RIMS1: variants seen among roughly 807,000 people sequenced by gnomAD.
RIMS1 encodes regulating synaptic membrane exocytosis 1.
A neutral mutation model predicts 214.1 loss-of-function variants in RIMS1; 83 were observed. That is an observed-to-expected ratio of 0.39 (90% confidence interval 0.32 to 0.47). The LOEUF (loss-of-function observed/expected upper bound fraction) is 0.47. Among genes scored for constraint, RIMS1 ranks in the 20% least tolerant of loss-of-function variants. The probability of loss-of-function intolerance (pLI) is 0.99; values close to 1 mark genes in which losing one functional copy is unlikely to be tolerated. For missense variants in RIMS1, 2,050 were observed against 2,161.8 expected (o/e 0.95, Z 1.03); for synonymous variants, 793 against 786.8 (o/e 1.01, Z -0.13).
rs542982696 is a variant in RIMS1, at chr6:72,202,665, A to G, written c.1678+19516A>G. Reference sequence around the variant, plus strand: ...CTGTAGATGTTTGTGTACGTACATGATAAATACTGATTTTGGCATTTGTCT... The same window carrying G: ...CTGTAGATGTTTGTGTACGTACATGGTAAATACTGATTTTGGCATTTGTCT... On this transcript the variant is annotated intron_variant, in intron 6 of 33. Transcript: ENST00000521978. Among the ~76,000 whole-genome samples the G allele has an allele frequency of 5.9e-5, 9 of 152,314 alleles. No individual in the cohort carries two copies. In the South Asian group the frequency reaches 1.9e-3, roughly 32 times the overall value.
chr6:72,186,133 T>C (rs1318565666), intron 6 of RIMS1, among the ~76,000 whole-genome samples: 2 of 152,248 alleles, frequency 1.3e-5, no homozygotes, highest in Non-Finnish European at 2.9e-5. Flanking sequence ...TATTAGTAGT[T>C]AAGGTTTTCT....
intron 29 of RIMS1, among the ~76,000 whole-genome samples, chr6:72,373,914 T>TTTTTTA (rs2098295379): frequency 6.6e-6 from 1 of 152,154 alleles, no homozygotes; most frequent in Non-Finnish European, 1.5e-5. Flanking sequence ...TTATTATTTA[T>TTTTTTA]TTTTTATTTT....
intron 1 of RIMS1, among the ~76,000 whole-genome samples, chr6:71,933,424 C>T (rs900905018): frequency 6.6e-6 from 1 of 152,180 alleles, no homozygotes; most frequent in Middle Eastern, 3.4e-3. Context: ...AGTAGATGCT[C>T]TAATCTATAT....
intron 1 of RIMS1, among the ~76,000 whole-genome samples, chr6:71,907,301 G>GA (rs1407921258): frequency 1.3e-5 from 2 of 152,032 alleles, no homozygotes; most frequent in South Asian, 2.1e-4. Context: ...GTCTTCAATG[G>GA]AAAAAAATAC....
At chr6:72,220,413 A>G (rs1365558454) in intron 6 of RIMS1, among the ~76,000 whole-genome samples, 1 of 151,722 alleles carries the variant, frequency 6.6e-6, no homozygotes, top group Non-Finnish European at 1.5e-5. Flanking sequence ...GTAATTATGG[A>G]CCATGTAAAA....
chr6:71,929,433 T>C (rs1330918575), intron 1 of RIMS1, among the ~76,000 whole-genome samples: 1 of 152,198 alleles, frequency 6.6e-6, no homozygotes, highest in African/African-American at 2.4e-5. Flanking sequence ...AGAAGTCAAA[T>C]GGGGGAAAGT....
At chr6:72,030,112 CA>C (rs1267216478) in intron 2 of RIMS1, among the ~76,000 whole-genome samples, 1 of 152,100 alleles carries the variant, frequency 6.6e-6, no homozygotes, top group Non-Finnish European at 1.5e-5. Context: ...TCTTTAATTT[CA>C]AAATATGGAC....
chr6:72,279,121 T>G (rs1326954796), intron 23 of RIMS1, among the ~76,000 whole-genome samples: 2 of 152,038 alleles, frequency 1.3e-5, no homozygotes, highest in African/African-American at 4.8e-5. Context: ...TAATAAAATT[T>G]TAATGCCTTC....
rs2098841918 is a variant in RIMS1 at position 72,402,664 on chromosome 6, G to A, written c.*1950G>A. ...GTGCACTTCTACTAGATTCCGTTCT[G>A]TCTTAGTGGCCAACAATCAACTGAT... On this transcript the variant is annotated 3_prime_UTR_variant, in exon 34 of 34. Coordinates refer to ENST00000521978, the MANE Select transcript of RIMS1 (RefSeq NM_014989.7). The A allele has an allele frequency of 6.6e-6, 1 of 152,622 alleles. No individual in the cohort carries two copies. Among genetic ancestry groups the A allele is most frequent in the South Asian group, 2.1e-4 (1 of 4,828 alleles). The allele number at this position is 152,622 out of a possible 1,614,324, so 9.5% of individuals were successfully genotyped here. A position where few individuals can be genotyped will look rare whatever the true frequency, so the allele number is the denominator to read the frequency against.
intron 6 of RIMS1, among the ~76,000 whole-genome samples, chr6:72,194,696 C>T (rs1391772443): frequency 6.6e-6 from 1 of 152,100 alleles, no homozygotes; most frequent in African/African-American, 2.4e-5. Context: ...TGAAAGATAA[C>T]ACAGCCTTTA....
intron 29 of RIMS1, among the ~76,000 whole-genome samples, chr6:72,387,879 A>G (rs2098639417): frequency 6.6e-6 from 1 of 152,234 alleles, no homozygotes; most frequent in Admixed American, 6.5e-5. Flanking sequence ...ATAGCCCATC[A>G]ATAAAGAGAT....
intron 29 of RIMS1, among the ~76,000 whole-genome samples, chr6:72,355,881 A>G (rs2097618631): frequency 6.6e-6 from 1 of 152,138 alleles, no homozygotes; most frequent in African/African-American, 2.4e-5. Flanking sequence ...GATAAAATAC[A>G]CTTTTGACGT....
intron 26 of RIMS1, among the ~76,000 whole-genome samples, chr6:72,296,246 T>A (rs2094082371): frequency 6.6e-6 from 1 of 152,042 alleles, no homozygotes. Context: ...TAGAAAACAA[T>A]TCTCCTAGGA....
At chr6:72,368,777 A>G (rs1235636043) in intron 29 of RIMS1, among the ~76,000 whole-genome samples, 1 of 152,138 alleles carries the variant, frequency 6.6e-6, no homozygotes, top group African/African-American at 2.4e-5. Context: ...ATCTGTTTTC[A>G]TAGAGTAGTT....
chr6:72,262,656 T>C, intron 19 of RIMS1: 2 of 874,748 alleles, frequency 2.3e-6, no homozygotes, highest in Non-Finnish European at 2.7e-6. Flanking sequence ...CATTAATTTA[T>C]ATCTGTATAA....
intron 1 of RIMS1, among the ~76,000 whole-genome samples, chr6:71,963,141 A>G (rs2151276716): frequency 6.6e-6 from 1 of 152,276 alleles, no homozygotes. Flanking sequence ...GGACTCTGTA[A>G]CTTCACAGTT....
At chr6:72,164,035 C>A (rs1197128797) in intron 4 of RIMS1, among the ~76,000 whole-genome samples, 1 of 152,154 alleles carries the variant, frequency 6.6e-6, no homozygotes, top group African/African-American at 2.4e-5. Flanking sequence ...GTGGTGGGCT[C>A]CACCCAGTTC....
chr6:72,108,262 G>C (rs1431534834), intron 4 of RIMS1, among the ~76,000 whole-genome samples: 1 of 125,234 alleles, frequency 8.0e-6, no homozygotes, highest in East Asian at 2.2e-4. Context: ...TTTTGTGTGT[G>C]TGTGTATGTG....
At chr6:71,940,481 T>C (rs1003828670) in intron 1 of RIMS1, among the ~76,000 whole-genome samples, 2 of 152,194 alleles carry the variant, frequency 1.3e-5, no homozygotes, top group Admixed American at 1.3e-4. Context: ...AAGAGAGTGC[T>C]TTTAAAAGCA....
Sources: allele counts gnomAD v4.1 joint callset (sites outside exome capture counted in the v4.1 genomes callset), GRCh38; gene constraint gnomAD v4.1.1; transcripts MANE v1.5; gene names NCBI Gene and HGNC (gene_info 2026-07-23, HGNC 2026-07-21).